Variants in ERC2 observed in about 807,000 individuals in gnomAD.
ERC2 encodes the protein ELKS/RAB6-interacting/CAST family member 2, also known as ERC protein 2.
In ERC2, 42 loss-of-function variants were observed where a neutral mutation model predicts 114.8. That is an observed-to-expected ratio of 0.37 (90% CI 0.29 to 0.47). The LOEUF is 0.47. Ranked by LOEUF, ERC2 falls within the 20% of genes least tolerant of loss-of-function variation. The probability of loss-of-function intolerance (pLI) is 0.99; values close to 1 mark genes in which losing one functional copy is unlikely to be tolerated. For missense variants in ERC2, 939 were observed against 1,150.7 expected (o/e 0.82, Z 2.66); for synonymous variants, 454 against 425.5 (o/e 1.07, Z -0.82).
chr3:56,009,479 CT>C (rs1261889608), intron 9 of ERC2, among the ~76,000 whole-genome samples: 1 of 152,112 alleles, frequency 6.6e-6, no homozygotes, highest in Non-Finnish European at 1.5e-5. Flanking sequence ...TTATTCAGGA[CT>C]TTAGTTTGTG....
rs759164039 is a variant in ERC2 at position 56,296,091 on chromosome 3, C to A, written c.1002G>T (p.Glu334Asp). 1 of 1,613,298 alleles carries A rather than the reference C, an allele frequency of 6.2e-7. No homozygotes were observed. The highest frequency in any genetic ancestry group is 8.5e-7 in the Non-Finnish European group (1 of 1,179,452). ...CCAAGTGGCTGACCTGAGACTCAGC[C>A]TCTGCCATCCGCCGCGTTCGCTCAT... ...DDNERTRRMA[E>D]AESQVSHLEV... The change falls in exon 3 of 18, where the codon GAG (glutamate) becomes GAT (aspartate). Residue 334 changes from glutamate to aspartate, a missense_variant. Physicochemically the swap from Glu to Asp is conservative, Grantham distance 45. Coordinates refer to ENST00000288221, the MANE Select transcript of ERC2 (RefSeq NM_015576.3).
intron 14 of ERC2, among the ~76,000 whole-genome samples, chr3:55,833,127 G>A (rs987430154): frequency 2.2e-4 from 33 of 149,786 alleles, no homozygotes; most frequent in African/African-American, 6.1e-4. Context: ...CCAAATCTAC[G>A]TCTGATTGGT....
At chr3:55,720,793 C>T (rs2064500012) in intron 15 of ERC2, among the ~76,000 whole-genome samples, 1 of 152,162 alleles carries the variant, frequency 6.6e-6, no homozygotes, top group East Asian at 1.9e-4. Flanking sequence ...ATGGGACCAC[C>T]ATTCCTTGAA....
At chr3:55,735,050 A>G in intron 14 of ERC2, 132 bp from the exon 15 acceptor site, 2 of 989,698 alleles carry the variant, frequency 2.0e-6, no homozygotes, top group Non-Finnish European at 2.8e-6. Flanking sequence ...CTTAAAACAA[A>G]CTAGCTCTTT....
chr3:55,606,168 G>A (rs903903435), intron 17 of ERC2, among the ~76,000 whole-genome samples: 2 of 152,202 alleles, frequency 1.3e-5, no homozygotes, highest in Admixed American at 6.5e-5. Flanking sequence ...TCCAAACTCC[G>A]TGATGGCTTG....
At chr3:56,272,925 T>C (rs2053749608) in intron 3 of ERC2, among the ~76,000 whole-genome samples, 1 of 152,236 alleles carries the variant, frequency 6.6e-6, no homozygotes, top group African/African-American at 2.4e-5. Flanking sequence ...CTGAAGAACA[T>C]ACATTAGATG....
rs1028697209 is a variant in ERC2 at position 56,186,087 on chromosome 3, T to C, written c.1075-12567A>G. On this transcript the variant is annotated intron_variant, in intron 3 of 17. Transcript: ENST00000288221. ...GGCTTTGGCCAACCACCTAAATGAT[T>C]TGAAAGCATATACATCTCAAGAACC... Among the ~76,000 whole-genome samples the C allele has an allele frequency of 2.2e-5, 3 of 133,560 alleles. 1 individual carries two copies. The highest frequency in any genetic ancestry group is 1.6e-4 in the Admixed American group (2 of 12,156). The allele number at this position is 133,560 out of a possible 152,430, so 87.6% of individuals were successfully genotyped here.
chr3:55,539,719 G>A (rs545979241), intron 17 of ERC2, among the ~76,000 whole-genome samples: 45 of 151,766 alleles, frequency 3.0e-4, no homozygotes, highest in African/African-American at 9.7e-4. Context: ...GAGCCACTGC[G>A]CCCCACCCTA....
At chr3:55,560,497 A>C (rs182919023) in intron 17 of ERC2, among the ~76,000 whole-genome samples, 1 of 152,130 alleles carries the variant, frequency 6.6e-6, no homozygotes, top group African/African-American at 2.4e-5. Flanking sequence ...AGGCTCTGAG[A>C]GTACATGGAG....
At chr3:55,887,660 CAT>C (rs1019195456) in intron 14 of ERC2, among the ~76,000 whole-genome samples, 118 of 152,246 alleles carry the variant, frequency 7.8e-4, no homozygotes, top group African/African-American at 2.7e-3. Context: ...TATGTTATTC[CAT>C]GATGATGCTC....
rs530473564 is a variant in ERC2, at chr3:55,781,203, C to T, written c.2565-46285G>A. 1.3e-4 allele frequency among the ~76,000 whole-genome samples: 20 copies of T among 152,220 alleles called. No individual in the cohort carries two copies. The East Asian group carries it at 1.7e-3, about 13-fold the overall frequency. ...ACAGCACAATGCAGGAAGGGATGTC[C>T]GGGGCCATGACATCTTGTAGAGGAC... On this transcript the variant is annotated intron_variant, in intron 14 of 17. Transcript: ENST00000288221.
intron 6 of ERC2, among the ~76,000 whole-genome samples, chr3:56,134,908 CTCTT>C (rs71665679): frequency 0.029 from 3,780 of 130,462 alleles, 53 homozygotes; most frequent in Middle Eastern, 0.061. Context: ...ATAAATCTCT[CTCTT>C]TTTTTTTGTT....
intron 13 of ERC2, among the ~76,000 whole-genome samples, chr3:55,894,437 T>A (rs995807239): frequency 2.0e-5 from 3 of 152,212 alleles, no homozygotes; most frequent in African/African-American, 7.2e-5. Context: ...TAGAATTGAC[T>A]TTTTTAAAAA....
intron 2 of ERC2, among the ~76,000 whole-genome samples, chr3:56,348,915 GGAA>G: frequency 8.5e-6 from 1 of 117,402 alleles, no homozygotes; most frequent in Non-Finnish European, 1.8e-5. Context: ...AAAGAAGGAA[GGAA>G]GGAAGGAAGG....
chr3:56,399,695 T>C (rs955922217), intron 2 of ERC2, among the ~76,000 whole-genome samples: 4 of 152,052 alleles, frequency 2.6e-5, no homozygotes, highest in Non-Finnish European at 4.4e-5. Context: ...CCAAATAATG[T>C]ATATTATTTC....
intron 11 of ERC2, among the ~76,000 whole-genome samples, chr3:55,991,572 G>C (rs1483609566): frequency 6.6e-6 from 1 of 152,204 alleles, no homozygotes; most frequent in Non-Finnish European, 1.5e-5. Flanking sequence ...GGATGAATTT[G>C]TCATGATGTG....
chr3:55,602,649 T>C (rs541125814), intron 17 of ERC2, among the ~76,000 whole-genome samples: 1 of 152,198 alleles, frequency 6.6e-6, no homozygotes, highest in Non-Finnish European at 1.5e-5. Flanking sequence ...CTAGCTATTG[T>C]GGGACATGAT....
chr3:55,891,931 C>G (rs1443474056), intron 13 of ERC2, among the ~76,000 whole-genome samples: 2 of 152,186 alleles, frequency 1.3e-5, no homozygotes, highest in African/African-American at 4.8e-5. Flanking sequence ...AAGTCTCTGT[C>G]CCTTCTTTGA....
intron 3 of ERC2, among the ~76,000 whole-genome samples, chr3:56,277,528 C>G (rs1006713855): frequency 6.6e-6 from 1 of 152,142 alleles, no homozygotes; most frequent in East Asian, 1.9e-4. Flanking sequence ...TACCTCCACC[C>G]TCCTCATTCT....
Sources: gnomAD v4.1 joint callset for allele counts (sites outside exome capture counted in the v4.1 genomes callset) on GRCh38, gnomAD v4.1.1 for gene constraint, MANE v1.5 for transcripts, NCBI Gene and HGNC (gene_info 2026-07-23, HGNC 2026-07-21) for gene names.